Variants in PIAS2 observed in about 807,000 individuals in gnomAD.
PIAS2 encodes the protein protein inhibitor of activated STAT 2, also known as E3 SUMO-protein ligase PIAS2.
Under a neutral mutation model 69.7 loss-of-function variants are expected in PIAS2, and 19 were observed. The ratio of observed to expected loss-of-function variants is 0.27; its 90% CI spans 0.19 to 0.40. The LOEUF (loss-of-function observed/expected upper bound fraction) is 0.40. PIAS2 is among the 10% of genes least tolerant of loss of function. The pLI is 1.00. For missense variants in PIAS2, 624 were observed against 757.0 expected, an observed-to-expected ratio of 0.82 and a Z score of 2.06; for synonymous variants, 261 against 263.2, an observed-to-expected ratio of 0.99 and a Z score of 0.08.
intron 1 of PIAS2, among the ~76,000 whole-genome samples, chr18:46,902,665 A>T (rs1291824202): frequency 3.9e-5 from 6 of 152,248 alleles, no homozygotes; most frequent in Non-Finnish European, 8.8e-5. Flanking sequence ...TATAGGTTTA[A>T]CATAATTCCT....
intron 13 of PIAS2, among the ~76,000 whole-genome samples, chr18:46,813,631 G>A (rs1479842527): frequency 6.6e-6 from 1 of 152,146 alleles, no homozygotes; most frequent in Non-Finnish European, 1.5e-5. Flanking sequence ...ACTGGATTAT[G>A]GAACAGGAAT....
chr18:46,919,486 C>CA (rs571707086), upstream of PIAS2, among the ~76,000 whole-genome samples: 565 of 134,496 alleles, frequency 4.2e-3, 3 homozygotes, highest in East Asian at 0.011. Context: ...AACTCCATCT[C>CA]AAAAAAAAAA....
At chr18:46,815,287 A>C in intron 13 of PIAS2, 25 bp downstream of exon 13, 3 of 1,595,704 alleles carry the variant, frequency 1.9e-6, no homozygotes, top group Non-Finnish European at 2.6e-6. Flanking sequence ...AATACAAATT[A>C]GTTGCTTAAA....
At chr18:46,918,679 C>T (rs1018011103), upstream of PIAS2, among the ~76,000 whole-genome samples, 1 of 152,180 alleles carries the variant, frequency 6.6e-6, no homozygotes. Context: ...GCCTCGGCCT[C>T]CCAAAGTACT....
At chr18:46,918,133 G>C (rs560807427), upstream of PIAS2, 12 of 152,224 alleles carry the variant, frequency 7.9e-5, no homozygotes, top group African/African-American at 2.4e-4. Flanking sequence ...TAAAAAGTCG[G>C]GGAAATCTGA....
At chr18:46,849,760 G>A (rs897440614) in intron 5 of PIAS2, among the ~76,000 whole-genome samples, 3 of 152,082 alleles carry the variant, frequency 2.0e-5, no homozygotes, top group Admixed American at 1.3e-4. Context: ...ACACAAGAAA[G>A]GAACAAATAG....
chr18:46,831,038 C>A (rs1466806379), intron 9 of PIAS2, among the ~76,000 whole-genome samples: 1 of 152,120 alleles, frequency 6.6e-6, no homozygotes. Context: ...ACATAATTCA[C>A]CGTATTACCA....
chr18:46,858,355 T>C (rs1055819451), intron 3 of PIAS2, among the ~76,000 whole-genome samples: 1 of 152,078 alleles, frequency 6.6e-6, no homozygotes, highest in African/African-American at 2.4e-5. Context: ...AAAGATCATA[T>C]GTAGGAGCTT....
chr18:46,900,169 A>G (rs1055569128), intron 1 of PIAS2, among the ~76,000 whole-genome samples: 1 of 152,128 alleles, frequency 6.6e-6, no homozygotes, highest in South Asian at 2.1e-4. Context: ...GTTCATGACC[A>G]GCCTGGCCAA....
chr18:46,899,713 TG>T (rs2055493296), intron 1 of PIAS2, among the ~76,000 whole-genome samples: 1 of 152,208 alleles, frequency 6.6e-6, no homozygotes, highest in Admixed American at 6.5e-5. Context: ...GTGATGCTCC[TG>T]CCTTGGCCTC....
At chr18:46,826,237 C>G (rs1416434652) in intron 11 of PIAS2, among the ~76,000 whole-genome samples, 1 of 152,216 alleles carries the variant, frequency 6.6e-6, no homozygotes, top group African/African-American at 2.4e-5. Flanking sequence ...AGTAGCTGAT[C>G]ACAGATGTAA....
intron 2 of PIAS2, 54 bp from the exon 3 acceptor site, chr18:46,864,302 C>A (rs546278237): frequency 8.7e-7 from 1 of 1,147,646 alleles, no homozygotes; most frequent in East Asian, 2.4e-5. Context: ...TCCAACACTA[C>A]AACCACCTGC....
intron 2 of PIAS2, among the ~76,000 whole-genome samples, chr18:46,882,887 T>C (rs2052511646): frequency 6.6e-6 from 1 of 152,062 alleles, no homozygotes; most frequent in African/African-American, 2.4e-5. Context: ...GAAAAGGTTT[T>C]AAGAGACCAG....
rs1419904526 is a variant in PIAS2 at position 46,855,379 on chromosome 18, C to T, written c.692G>A (p.Cys231Tyr). The T allele has an allele frequency of 1.2e-6, 2 of 1,612,304 alleles. No homozygotes were observed. Among genetic ancestry groups the T allele is most frequent in the Non-Finnish European group, 8.5e-7 (1 of 1,179,266 alleles). Reference sequence around the variant, plus strand: ...AAATAGCTTCCCATTTACTTTTATACATAGACTATTTGGATAGTTATCTTC... The same window carrying T: ...AAATAGCTTCCCATTTACTTTTATATATAGACTATTTGGATAGTTATCTTC... Reference protein sequence around the residue: ...PQEDNYPNSLCIKVNGKLFPL... With the variant: ...PQEDNYPNSLYIKVNGKLFPL... The change falls in exon 5 of 14, where the codon TGT (cysteine) becomes TAT (tyrosine). Residue 231 changes from cysteine (C) to tyrosine (Y), a missense_variant. Cys to Tyr is a radical substitution (Grantham distance 194). Around this residue, in one of 3 missense-constraint regions of PIAS2, gnomAD observed 339 missense variants for 408.8 expected, o/e 0.83. Coordinates refer to ENST00000585916, the MANE Select transcript of PIAS2 (RefSeq NM_004671.5).
At chr18:46,849,554 A>C (rs926317914) in intron 5 of PIAS2, among the ~76,000 whole-genome samples, 3 of 152,074 alleles carry the variant, frequency 2.0e-5, no homozygotes, top group African/African-American at 7.2e-5. Context: ...ACTTTGTGGT[A>C]GTACTGTGAC....
chr18:46,848,976 T>C (rs1200766984), intron 5 of PIAS2, among the ~76,000 whole-genome samples: 1 of 152,208 alleles, frequency 6.6e-6, no homozygotes, highest in African/African-American at 2.4e-5. Context: ...AACAAAACTT[T>C]TGTTTTGCCT....
upstream of PIAS2, chr18:46,920,043 C>G (rs1043493645): frequency 4.7e-6 from 6 of 1,288,112 alleles, no homozygotes; most frequent in Admixed American, 6.9e-5. Context: ...AAAAGCAAAG[C>G]CCCACTGAAA....
At chr18:46,846,968 T>C (rs933176524) in intron 5 of PIAS2, 127 bp from the exon 6 acceptor site, 84 of 748,536 alleles carry the variant, frequency 1.1e-4, no homozygotes, top group Middle Eastern at 7.5e-4. Context: ...AAAAATCATA[T>C]AGCCCTTATG....
intron 8 of PIAS2, among the ~76,000 whole-genome samples, chr18:46,840,493 G>A (rs2045215506): frequency 1.3e-5 from 2 of 152,198 alleles, no homozygotes; most frequent in African/African-American, 2.4e-5. Context: ...GCAAACTGCT[G>A]TTTAGGGATT....
Sources: gnomAD v4.1 joint callset for allele counts (sites outside exome capture counted in the v4.1 genomes callset) on GRCh38, gnomAD v4.1.1 for gene constraint, gnomAD v4.1.1 regional missense constraint, MANE v1.5 for transcripts, NCBI Gene and HGNC (gene_info 2026-07-23, HGNC 2026-07-21) for gene names.